CDH18: variants seen among roughly 807,000 people sequenced by gnomAD.
CDH18 encodes the protein cadherin 18, also known as cadherin-18.
CDH18 carries 31 observed loss-of-function variants against 67.9 expected under a neutral mutation model. That is an observed-to-expected ratio of 0.46 (90% CI 0.34 to 0.62). The LOEUF (loss-of-function observed/expected upper bound fraction) is 0.62, where lower values mean the gene tolerates loss of function less well. CDH18 is among the 20% of genes least tolerant of loss of function. The pLI, the probability that CDH18 is intolerant of heterozygous loss-of-function variation, is 0.01. For missense variants in CDH18, 890 were observed against 975.5 expected, an observed-to-expected ratio of 0.91 and a Z score of 1.17; for synonymous variants, 362 against 347.2, an observed-to-expected ratio of 1.04 and a Z score of -0.48.
At chr5:20,432,045 G>C (rs1173866259) in intron 1 of CDH18, among the ~76,000 whole-genome samples, 1 of 151,998 alleles carries the variant, frequency 6.6e-6, no homozygotes, top group South Asian at 2.1e-4. Context: ...CTCAAACCTG[G>C]AACCATTAAA....
chr5:20,059,381 G>T (rs527588511), intron 2 of CDH18, among the ~76,000 whole-genome samples: 2 of 152,170 alleles, frequency 1.3e-5, no homozygotes, highest in Admixed American at 6.5e-5. Context: ...CTTTGAATTT[G>T]TTTGCCCTTG....
intron 2 of CDH18, among the ~76,000 whole-genome samples, chr5:19,845,713 GT>G (rs567705400): frequency 1.3e-5 from 2 of 149,118 alleles, no homozygotes; most frequent in Non-Finnish European, 3.0e-5. Flanking sequence ...ATTTATAATT[GT>G]TTTTTTTCTG....
At position 20,475,743 on chromosome 5, in the gene CDH18, T is replaced by G. The variant is rs1561042109; in HGVS notation, c.-580+99719A>C. Among the ~76,000 whole-genome samples, 4 of 152,332 alleles carry G rather than the reference T, an allele frequency of 2.6e-5. No individual in the cohort carries two copies. In the East Asian group the frequency reaches 7.7e-4, roughly 29 times the overall value. On this transcript the variant is annotated intron_variant, in intron 1 of 14. Coordinates refer to the CDH18 transcript ENST00000507958. ...TCTAAGATTGCAACTAGTTTTCCCC[T>G]GTTCTAACACACAGGTCTCTTTCTT...
chr5:19,680,834 C>T (rs1299472099), intron 5 of CDH18, among the ~76,000 whole-genome samples: 1 of 151,926 alleles, frequency 6.6e-6, no homozygotes, highest in African/African-American at 2.4e-5. Context: ...TTAGTTTGGC[C>T]ATTGCGGAAA....
intron 1 of CDH18, among the ~76,000 whole-genome samples, chr5:20,427,423 A>G (rs756973970): frequency 1.5e-4 from 23 of 151,360 alleles, no homozygotes; most frequent in Non-Finnish European, 2.6e-4. Context: ...TTGAAATAGG[A>G]AGAGAAATGT....
intron 2 of CDH18, among the ~76,000 whole-genome samples, chr5:20,176,950 C>G (rs1457519444): frequency 6.6e-6 from 1 of 152,068 alleles, no homozygotes; most frequent in Non-Finnish European, 1.5e-5. Context: ...TAAAAACCAA[C>G]AGAAATGTTT....
At chr5:19,941,677 C>T (rs890127512) in intron 2 of CDH18, among the ~76,000 whole-genome samples, 3 of 151,954 alleles carry the variant, frequency 2.0e-5, no homozygotes, top group Non-Finnish European at 4.4e-5. Flanking sequence ...GTCTCAGCTA[C>T]TTGGAAAGCT....
intron 2 of CDH18, among the ~76,000 whole-genome samples, chr5:20,229,226 A>C (rs988370804): frequency 1.3e-5 from 2 of 152,096 alleles, no homozygotes; most frequent in Non-Finnish European, 2.9e-5. Context: ...TTAGAGTTAT[A>C]TGTTGTTTAC....
intron 1 of CDH18, among the ~76,000 whole-genome samples, chr5:20,436,071 T>C (rs1231249252): frequency 2.0e-5 from 3 of 152,110 alleles, no homozygotes; most frequent in South Asian, 4.1e-4. Flanking sequence ...TATTGGTTTA[T>C]ATTTATTTAC....
At chr5:20,136,769 T>G (rs1749762429) in intron 2 of CDH18, among the ~76,000 whole-genome samples, 2 of 152,290 alleles carry the variant, frequency 1.3e-5, no homozygotes, top group South Asian at 4.1e-4. Context: ...CAGGAGCTGT[T>G]GTAAGGCAGG....
At chr5:20,185,251 A>G (rs1055641132) in intron 2 of CDH18, among the ~76,000 whole-genome samples, 2 of 152,068 alleles carry the variant, frequency 1.3e-5, no homozygotes, top group African/African-American at 4.8e-5. Flanking sequence ...CCTCACTGCC[A>G]ACATCTTCAT....
chr5:20,428,892 A>G (rs1376345260), intron 1 of CDH18, among the ~76,000 whole-genome samples: 1 of 152,178 alleles, frequency 6.6e-6, no homozygotes, highest in Non-Finnish European at 1.5e-5. Flanking sequence ...AAGTGTGACC[A>G]TTAGTGAATT....
intron 12 of CDH18, among the ~76,000 whole-genome samples, chr5:19,477,764 A>G (rs138208002): frequency 0.018 from 2,695 of 152,188 alleles, 44 homozygotes; most frequent in Non-Finnish European, 0.027. Context: ...TCTTACAGTG[A>G]GTCATCTGGT....
intron 6 of CDH18, among the ~76,000 whole-genome samples, chr5:19,592,590 A>G (rs1745344089): frequency 6.6e-6 from 1 of 152,116 alleles, no homozygotes; most frequent in Admixed American, 6.5e-5. Context: ...TTTCAGTGAG[A>G]CAATCATTTG....
chr5:20,439,480 G>A (rs770238896), intron 1 of CDH18, among the ~76,000 whole-genome samples: 32 of 151,132 alleles, frequency 2.1e-4, no homozygotes, highest in Admixed American at 2.0e-3. Flanking sequence ...TGCACACACC[G>A]TTTCATAATG....
intron 2 of CDH18, among the ~76,000 whole-genome samples, chr5:20,042,834 C>T (rs182554725): frequency 0.011 from 1,607 of 151,970 alleles, 35 homozygotes; most frequent in African/African-American, 0.037. Flanking sequence ...TGCTGGCGGG[C>T]GCCTGTAGTC....
rs544112305 is a variant in CDH18 at position 19,961,705 on chromosome 5, T to C, written c.-257+19355A>G. ...TTACTCATGATTACATTATTTTGTCTGTTGCCTGTTGTCTTTCATGATTCT... is the reference window on the plus strand; with the variant it reads ...TTACTCATGATTACATTATTTTGTCCGTTGCCTGTTGTCTTTCATGATTCT... On this transcript the variant is annotated intron_variant, in intron 2 of 12. Coordinates refer to ENST00000382275, the MANE Select transcript of CDH18 (RefSeq NM_004934.5). Among the ~76,000 whole-genome samples the C allele has an allele frequency of 2.6e-5, 4 of 152,266 alleles. No homozygotes were observed. In the South Asian group the frequency reaches 8.3e-4, roughly 32 times the overall value.
intron 1 of CDH18, among the ~76,000 whole-genome samples, chr5:20,308,976 A>G (rs1736748725): frequency 6.6e-6 from 1 of 152,206 alleles, no homozygotes; most frequent in African/African-American, 2.4e-5. Flanking sequence ...TGGGGTATTT[A>G]TTTATGTTAT....
At chr5:20,228,578 T>G (rs1463582850) in intron 2 of CDH18, among the ~76,000 whole-genome samples, 1 of 152,108 alleles carries the variant, frequency 6.6e-6, no homozygotes, top group Non-Finnish European at 1.5e-5. Context: ...TATCTCCTCC[T>G]GTGCAACTGA....
Sources: allele counts gnomAD v4.1 joint callset (sites outside exome capture counted in the v4.1 genomes callset), GRCh38; gene constraint gnomAD v4.1.1; transcripts MANE v1.5; gene names NCBI Gene and HGNC (gene_info 2026-07-23, HGNC 2026-07-21).